Variants in PCDHGA4 observed in about 807,000 individuals in gnomAD.
PCDHGA4 encodes the protein protocadherin gamma-A4.
Under a neutral mutation model 54.6 loss-of-function variants are expected in PCDHGA4, and 38 were observed. That is an observed-to-expected ratio of 0.70 (90% CI 0.54 to 0.91). PCDHGA4 has a LOEUF of 0.91. Among genes scored for constraint, PCDHGA4 ranks in the 40% least tolerant of loss-of-function variants. PCDHGA4 has a pLI of 0.00. For missense variants in PCDHGA4, 1,298 were observed against 1,220.9 expected (o/e 1.06, Z -0.94); for synonymous variants, 511 against 512.9 (o/e 1.00, Z 0.05).
chr5:141,462,998 C>A (rs562002585), intron 1 of PCDHGA4, among the ~76,000 whole-genome samples: 3 of 152,190 alleles, frequency 2.0e-5, no homozygotes, highest in Admixed American at 2.0e-4. Context: ...CTAATTTAGA[C>A]CTACCACTTA....
At chr5:141,389,990 C>G (rs2091998485) in intron 1 of PCDHGA4, 2 of 1,614,044 alleles carry the variant, frequency 1.2e-6, no homozygotes, top group Non-Finnish European at 1.7e-6. Flanking sequence ...TGCTCTTCCT[C>G]GTGGCCATGA....
chr5:141,379,938 C>G (rs1220422667), intron 1 of PCDHGA4, among the ~76,000 whole-genome samples: 1 of 86,936 alleles, frequency 1.2e-5, no homozygotes, highest in African/African-American at 4.3e-5. Context: ...CTTGCTCTGT[C>G]TCCCAGGCTG....
chr5:141,421,537 T>C (rs11167744), intron 1 of PCDHGA4: 139,246 of 1,613,908 alleles, frequency 0.086, 6,702 homozygotes, highest in East Asian at 0.14. Context: ...GTCCTCCTGT[T>C]TTTTAAATAT....
At chr5:141,361,727 C>G in intron 1 of PCDHGA4, 13 of 1,613,274 alleles carry the variant, frequency 8.1e-6, no homozygotes, top group Non-Finnish European at 1.1e-5. Flanking sequence ...TTCGAGCTCA[C>G]ACTGCAGGCC....
chr5:141,434,073 A>G (rs1372471160), intron 1 of PCDHGA4, among the ~76,000 whole-genome samples: 2 of 152,058 alleles, frequency 1.3e-5, no homozygotes, highest in African/African-American at 4.8e-5. Flanking sequence ...GTTAATATCA[A>G]TTATTTATTT....
At chr5:141,381,785 G>A (rs1349926565) in intron 1 of PCDHGA4, among the ~76,000 whole-genome samples, 1 of 149,782 alleles carries the variant, frequency 6.7e-6, no homozygotes, top group Non-Finnish European at 1.5e-5. Context: ...CAGGAACAAG[G>A]CAAGGCAATT....
At chr5:141,397,223 T>C (rs144227558) in intron 1 of PCDHGA4, among the ~76,000 whole-genome samples, 1 of 152,304 alleles carries the variant, frequency 6.6e-6, no homozygotes, top group East Asian at 1.9e-4. Context: ...TATTTTGAGA[T>C]ATGAAGAAGA....
intron 1 of PCDHGA4, chr5:141,404,571 C>T: frequency 6.2e-7 from 1 of 1,613,720 alleles, no homozygotes; most frequent in Non-Finnish European, 8.5e-7. Flanking sequence ...AGTGGAAGCC[C>T]ACCACTTAGC....
At chr5:141,498,346 C>T (rs780832000) in intron 2 of PCDHGA4, among the ~76,000 whole-genome samples, 1 of 150,796 alleles carries the variant, frequency 6.6e-6, no homozygotes, top group Non-Finnish European at 1.5e-5. Context: ...ATGGGAAAAG[C>T]CTATGCAAAA....
intron 1 of PCDHGA4, among the ~76,000 whole-genome samples, chr5:141,454,980 T>A (rs1049733405): frequency 9.3e-5 from 14 of 151,310 alleles, no homozygotes; most frequent in African/African-American, 2.4e-4. Context: ...GCTAATTTTT[T>A]AAAAAATATT....
chr5:141,467,811 A>T (rs562932160), intron 1 of PCDHGA4, among the ~76,000 whole-genome samples: 1 of 152,164 alleles, frequency 6.6e-6, no homozygotes, highest in African/African-American at 2.4e-5. Flanking sequence ...GGCACATGCC[A>T]CCACACCAGG....
chr5:141,504,550 G>A (rs944574179), intron 2 of PCDHGA4, among the ~76,000 whole-genome samples: 2 of 151,586 alleles, frequency 1.3e-5, no homozygotes, highest in Non-Finnish European at 2.9e-5. Context: ...GCAAATGTTG[G>A]GGGACTGGCA....
chr5:141,383,038 G>C, intron 1 of PCDHGA4: 1 of 1,613,858 alleles, frequency 6.2e-7, no homozygotes, highest in Non-Finnish European at 8.5e-7. Flanking sequence ...CTTTGTGGGA[G>C]ACATCGCCAA....
At chr5:141,438,739 G>A (rs1264194876) in intron 1 of PCDHGA4, among the ~76,000 whole-genome samples, 1 of 149,040 alleles carries the variant, frequency 6.7e-6, no homozygotes, top group African/African-American at 2.5e-5. Context: ...TCAGCTCACT[G>A]CAACCTCTGC....
At chr5:141,374,816 C>A (rs771806207) in intron 1 of PCDHGA4, 1 of 1,613,964 alleles carries the variant, frequency 6.2e-7, no homozygotes, top group Non-Finnish European at 8.5e-7. Context: ...GTTTACTCAG[C>A]CTGTCTACCG....
At chr5:141,418,278 T>C (rs2096243624) in intron 1 of PCDHGA4, 1 of 1,613,954 alleles carries the variant, frequency 6.2e-7, no homozygotes, top group East Asian at 2.2e-5. Context: ...GAAATAAACT[T>C]AGAAATCAGT....
chr5:141,380,795 A>C (rs1776743298), intron 1 of PCDHGA4, among the ~76,000 whole-genome samples: 1 of 152,246 alleles, frequency 6.6e-6, no homozygotes, highest in African/African-American at 2.4e-5. Context: ...GTAGAATAAG[A>C]AACAAATGTG....
At position 141,486,785 on chromosome 5, in the gene PCDHGA4, C is replaced by T. The variant is rs763174232; in HGVS notation, c.2515-8022C>T. 1.2e-5 allele frequency: 20 copies of T among 1,614,102 alleles called. No homozygotes were observed. The highest frequency in any genetic ancestry group is 5.3e-5 in the African/African-American group (4 of 74,936). On this transcript the variant is annotated intron_variant, in intron 1 of 3. Transcript: ENST00000571252. This position sits in a 1 kb window ranked among gnomAD's most constrained non-coding sequence, Gnocchi z 5.0. ...GACACTGCAGTTTGAGGTGCAGGCC[C>T]GGGATCGGGGCAACCCACCCCTTAG...
In PCDHGA4 at chr5:141,365,883, G is replaced by A. The variant is rs758025937; in HGVS notation, c.2514+8262G>A. 110 of 1,614,012 alleles carry A rather than the reference G, an allele frequency of 6.8e-5. No individual in the cohort carries two copies. Among genetic ancestry groups the A allele is most frequent in the Non-Finnish European group, 9.0e-5 (106 of 1,179,994 alleles). Reference sequence around the variant, plus strand: ...GACACCGGTGTCCTGTATGCTCTGAGATCCTTCGACTATGAGCAGTTGAGA... The same window carrying A: ...GACACCGGTGTCCTGTATGCTCTGAAATCCTTCGACTATGAGCAGTTGAGA... On this transcript the variant is annotated intron_variant, in intron 1 of 3. Transcript: ENST00000571252.
Sources: allele counts gnomAD v4.1 joint callset (sites outside exome capture counted in the v4.1 genomes callset), GRCh38; gene constraint gnomAD v4.1.1; non-coding constraint Gnocchi (gnomAD v3.1); transcripts MANE v1.5; gene names NCBI Gene and HGNC (gene_info 2026-07-23, HGNC 2026-07-21).